The following LRFN2 variants were observed in gnomAD, a reference collection of about 807,000 sequenced individuals.
LRFN2 encodes leucine-rich repeat and fibronectin type-III domain-containing protein 2.
LRFN2 carries 18 observed loss-of-function variants against 37.3 expected under a neutral mutation model. The observed-to-expected ratio is 0.48, with a 90% CI of 0.33 to 0.72. The LOEUF is 0.72. Ranked by LOEUF, LRFN2 falls within the 30% of genes least tolerant of loss-of-function variation. The pLI, the probability that LRFN2 is intolerant of heterozygous loss-of-function variation, is 0.02. For missense variants in LRFN2, 1,006 were observed against 1,060.7 expected (o/e 0.95, Z 0.72); for synonymous variants, 556 against 466.6 (o/e 1.19, Z -2.47).
At chr6:40,549,614 G>A (rs546146410) in intron 1 of LRFN2, among the ~76,000 whole-genome samples, 1 of 152,298 alleles carries the variant, frequency 6.6e-6, no homozygotes, top group African/African-American at 2.4e-5. Flanking sequence ...ATGATAATCT[G>A]GAGTCTGGTA....
At chr6:40,415,764 C>T (rs781344680) in intron 2 of LRFN2, among the ~76,000 whole-genome samples, 2 of 152,170 alleles carry the variant, frequency 1.3e-5, no homozygotes, top group Non-Finnish European at 2.9e-5. Context: ...ATGTGTGGCC[C>T]AGACTTGAGT....
intron 1 of LRFN2, among the ~76,000 whole-genome samples, chr6:40,584,669 T>G (rs972000399): frequency 1.3e-5 from 2 of 152,160 alleles, no homozygotes; most frequent in Non-Finnish European, 2.9e-5. Flanking sequence ...CCAATTTCAC[T>G]TCTCCACTGT....
chr6:40,502,703 T>A (rs182007368), intron 1 of LRFN2, among the ~76,000 whole-genome samples: 9 of 152,346 alleles, frequency 5.9e-5, no homozygotes, highest in African/African-American at 2.2e-4. Context: ...AGAACCTAAG[T>A]CCTCAGAGAG....
intron 1 of LRFN2, among the ~76,000 whole-genome samples, chr6:40,529,581 T>C (rs1370190928): frequency 6.6e-6 from 1 of 152,222 alleles, no homozygotes; most frequent in Non-Finnish European, 1.5e-5. Flanking sequence ...AAAGAGCCTA[T>C]GGACTGTCTG....
At chr6:40,528,980 T>A (rs1480845566) in intron 1 of LRFN2, among the ~76,000 whole-genome samples, 2 of 152,130 alleles carry the variant, frequency 1.3e-5, no homozygotes, top group Non-Finnish European at 2.9e-5. Flanking sequence ...ACTGCCTGGG[T>A]GGCTCCTGCT....
chr6:40,570,778 C>T (rs949243254), intron 1 of LRFN2, among the ~76,000 whole-genome samples: 1 of 152,160 alleles, frequency 6.6e-6, no homozygotes, highest in Non-Finnish European at 1.5e-5. Context: ...GTGTTCTAGG[C>T]AGAATGCAAA....
Position 40,515,390 on chromosome 6 carries a change from T to A in LRFN2, c.-19+71551A>T, listed in dbSNP as rs375352651. Reference sequence around the variant, plus strand: ...GAATACATGGTTCAGTGAGATTTGGTATAAAAAGCGTGAGCTTGAGGGTCA... The same window carrying A: ...GAATACATGGTTCAGTGAGATTTGGAATAAAAAGCGTGAGCTTGAGGGTCA... On this transcript the variant is annotated intron_variant, in intron 1 of 2. Coordinates refer to ENST00000338305, the MANE Select transcript of LRFN2 (RefSeq NM_020737.3). Among the ~76,000 whole-genome samples the A allele has an allele frequency of 3.9e-5, 6 of 152,278 alleles. No individual in the cohort carries two copies. The East Asian group carries it at 1.2e-3, about 29-fold the overall frequency.
rs1765587785 is a variant in LRFN2, at chr6:40,507,863, CTA to C, written c.-18-74734_-18-74733del. On this transcript the variant is annotated intron_variant, in intron 1 of 2. Coordinates refer to ENST00000338305, the MANE Select transcript of LRFN2 (RefSeq NM_020737.3). ...TCAAGCCAAAACTCAGAGACAAGCA[CTA>C]TGATTCTTATGCTATGATGACAGTA... Among the ~76,000 whole-genome samples, 3 of 152,320 alleles carry C rather than the reference CTA, an allele frequency of 2.0e-5. No individual in the cohort carries two copies. In the South Asian group the frequency reaches 6.2e-4, roughly 32 times the overall value.
chr6:40,536,008 C>A (rs1475657746), intron 1 of LRFN2, among the ~76,000 whole-genome samples: 3 of 152,006 alleles, frequency 2.0e-5, no homozygotes, highest in Non-Finnish European at 4.4e-5. Flanking sequence ...TGTGCAGGCC[C>A]AGTATGGAGT....
intron 1 of LRFN2, among the ~76,000 whole-genome samples, chr6:40,559,030 G>A (rs1766942886): frequency 6.6e-6 from 1 of 152,046 alleles, no homozygotes; most frequent in Non-Finnish European, 1.5e-5. Flanking sequence ...GATTTGTAAA[G>A]ACAATAAGGG....
chr6:40,460,470 A>C (rs1434934593), intron 1 of LRFN2, among the ~76,000 whole-genome samples: 1 of 152,180 alleles, frequency 6.6e-6, no homozygotes, highest in Non-Finnish European at 1.5e-5. Context: ...CTCTGAAATG[A>C]GCATTAGAAT....
In LRFN2 at chr6:40,391,786, G is replaced by A; in HGVS notation, c.*157C>T. 6 of 645,852 alleles carry A rather than the reference G, an allele frequency of 9.3e-6. No homozygotes were observed. Among genetic ancestry groups the A allele is most frequent in the Non-Finnish European group, 1.4e-5 (6 of 420,410 alleles). The allele number at this position is 645,852 out of a possible 1,614,324, so 40.0% of individuals were successfully genotyped here. On this transcript the variant is annotated 3_prime_UTR_variant, in exon 3 of 3. Coordinates refer to ENST00000338305, the MANE Select transcript of LRFN2 (RefSeq NM_020737.3). ...GCCGGGTGGTGGGGAGGTGATGTGG[G>A]TGTTGCGGGGTAGGGGGGGACACGA...
chr6:40,564,260 C>A (rs1310901003), intron 1 of LRFN2, among the ~76,000 whole-genome samples: 4 of 152,132 alleles, frequency 2.6e-5, no homozygotes, highest in Non-Finnish European at 2.9e-5. Context: ...ACAATATATA[C>A]CTTTTGTCAT....
intron 1 of LRFN2, among the ~76,000 whole-genome samples, chr6:40,435,064 G>T (rs1353690646): frequency 8.6e-4 from 107 of 124,838 alleles, no homozygotes; most frequent in Non-Finnish European, 1.0e-3. Flanking sequence ...GAGAGAGAGA[G>T]AGAGAGAGAG....
intron 2 of LRFN2, among the ~76,000 whole-genome samples, chr6:40,401,202 T>C (rs1430180951): frequency 2.0e-5 from 2 of 101,660 alleles, no homozygotes; most frequent in African/African-American, 6.8e-5. Flanking sequence ...GTGGAATGAC[T>C]ACCAAACCCC....
At chr6:40,584,097 C>A (rs968321369) in intron 1 of LRFN2, among the ~76,000 whole-genome samples, 2 of 152,130 alleles carry the variant, frequency 1.3e-5, no homozygotes, top group Admixed American at 6.5e-5. Flanking sequence ...CTTTCTGGAG[C>A]CTTTTAACAA....
chr6:40,474,448 A>G (rs184813629), intron 1 of LRFN2, among the ~76,000 whole-genome samples: 405 of 152,156 alleles, frequency 2.7e-3, no homozygotes, highest in African/African-American at 9.5e-3. Flanking sequence ...GCACACTAGC[A>G]TTGGATTTAG....
chr6:40,559,434 C>A (rs538780850), intron 1 of LRFN2, among the ~76,000 whole-genome samples: 54 of 152,274 alleles, frequency 3.5e-4, no homozygotes, highest in African/African-American at 1.3e-3. Context: ...CCCCCACACC[C>A]TGGGAATCCC....
At chr6:40,463,310 C>A (rs182883836) in intron 1 of LRFN2, among the ~76,000 whole-genome samples, 171 of 152,312 alleles carry the variant, frequency 1.1e-3, no homozygotes, top group African/African-American at 4.0e-3. Flanking sequence ...CCTCTGCAAC[C>A]AGAATGCTAA....
Sources: allele counts gnomAD v4.1 joint callset (sites outside exome capture counted in the v4.1 genomes callset), GRCh38; gene constraint gnomAD v4.1.1; transcripts MANE v1.5; gene names NCBI Gene and HGNC (gene_info 2026-07-23, HGNC 2026-07-21).